Variants in ADAMTS7 observed in about 807,000 individuals in gnomAD.
ADAMTS7 encodes the protein ADAM metallopeptidase with thrombospondin type 1 motif 7, also known as A disintegrin and metalloproteinase with thrombospondin motifs 7.
Under a neutral mutation model 172.6 loss-of-function variants are expected in ADAMTS7, and 89 were observed. That is an observed-to-expected ratio of 0.52 (90% CI 0.43 to 0.61). The LOEUF is 0.61. Among genes scored for constraint, ADAMTS7 ranks in the 20% least tolerant of loss-of-function variants. The probability of loss-of-function intolerance (pLI) is 0.00; values close to 1 mark genes in which losing one functional copy is unlikely to be tolerated. For missense variants in ADAMTS7, 1,973 were observed against 2,355.6 expected (o/e 0.84, Z 3.36); for synonymous variants, 885 against 978.4 (o/e 0.90, Z 1.78).
At position 78,766,722 on chromosome 15, in the gene ADAMTS7, G is replaced by C; in HGVS notation, c.3189C>G (p.Phe1063Leu). Residue 1063 changes from phenylalanine to leucine, a missense_variant, in exon 19 of 24, where the codon TTC (phenylalanine) becomes TTG (leucine). By Grantham distance (22) the Phe-to-Leu change is conservative. Coordinates refer to ENST00000388820, the MANE Select transcript of ADAMTS7 (RefSeq NM_014272.5). ...AATTGATGAAATTGTAGTCGTAGTA[G>C]AAGTCGTCCACAAACACGGGCCCCG... ...DLPGPVFVDD[F>L]YYDYNFINFH... 1 of 1,610,868 alleles carries C rather than the reference G, an allele frequency of 6.2e-7. No homozygotes were observed. The highest frequency in any genetic ancestry group is 8.5e-7 in the Non-Finnish European group (1 of 1,179,840).
Position 78,766,862 on chromosome 15 carries a change from T to G in ADAMTS7, c.3049A>C (p.Asn1017His), listed in dbSNP as rs771517145. The G allele has an allele frequency of 1.2e-6, 2 of 1,609,816 alleles. No homozygotes were observed. Among genetic ancestry groups the G allele is most frequent in the Non-Finnish European group, 1.7e-6 (2 of 1,179,208 alleles). Residue 1017 changes from asparagine to histidine, a missense_variant, in exon 19 of 24, where the codon AAC (asparagine) becomes CAC (histidine). Physicochemically the swap from Asn to His is moderately conservative, Grantham distance 68. Coordinates refer to ENST00000388820, the MANE Select transcript of ADAMTS7 (RefSeq NM_014272.5). ...TGGTGCGGGATGAAGTCAGCCTCGT[T>G]GAAGAGCTCGTGGCTGGAGGAGCCG... ...GSGSSSHELF[N>H]EADFIPHHLA...
At chr15:78,809,665 A>G (rs2055839561) in intron 1 of ADAMTS7, among the ~76,000 whole-genome samples, 3 of 152,346 alleles carry the variant, frequency 2.0e-5, no homozygotes, top group Admixed American at 6.5e-5. Context: ...CACAGCTGCC[A>G]GGGGGCCAGG....
chr15:78,759,663 G>A (rs2055010591), intron 23 of ADAMTS7, 85 bp from the exon 24 acceptor site: 1 of 1,373,720 alleles, frequency 7.3e-7, no homozygotes, highest in Non-Finnish European at 9.5e-7. Flanking sequence ...CCTTAAGGAG[G>A]CTCCAGCAGC....
At chr15:78,805,074 C>G (rs531560535) in intron 1 of ADAMTS7, among the ~76,000 whole-genome samples, 1 of 152,334 alleles carries the variant, frequency 6.6e-6, no homozygotes. Context: ...ATCCAGGGCT[C>G]TGGGGGCCCT....
At chr15:78,777,399 C>G in intron 9 of ADAMTS7, 45 bp downstream of exon 9, 5 of 1,593,604 alleles carry the variant, frequency 3.1e-6, no homozygotes, top group South Asian at 1.1e-5. Context: ...CCTGAGCCCT[C>G]CTGCCGGGTC....
intron 11 of ADAMTS7, among the ~76,000 whole-genome samples, chr15:78,775,272 G>A (rs1227491291): frequency 1.3e-5 from 2 of 152,214 alleles, no homozygotes; most frequent in African/African-American, 4.8e-5. Flanking sequence ...TAAAGGAAGT[G>A]CCTAGGGCCC....
intron 16 of ADAMTS7, among the ~76,000 whole-genome samples, chr15:78,768,643 T>C (rs1475340951): frequency 6.6e-6 from 1 of 152,214 alleles, no homozygotes; most frequent in Non-Finnish European, 1.5e-5. Context: ...GAGGGAGGAC[T>C]GCGTGTGTTC....
rs148532809 is a variant in ADAMTS7, at chr15:78,789,812, C to A, written c.1055G>T (p.Arg352Leu). Residue 352 changes from arginine to leucine, a missense_variant, in exon 7 of 24, where the codon CGG becomes CTG. This residue lies in a region of ADAMTS7 where 526 missense variants were observed against 662.9 expected (regional missense o/e 0.79). Transcript: ENST00000388820. ...GGACAGTCCCAGGGTCTCACAGGGC[C>A]GGTTCATGGCTGCACACAGGTCCTT... ...TRKDLCAAMNRPCETLGLSHV... is the reference protein window; with the variant it reads ...TRKDLCAAMNLPCETLGLSHV... 1 of 1,601,824 alleles carries A rather than the reference C, an allele frequency of 6.2e-7. No individual in the cohort carries two copies. Among genetic ancestry groups the A allele is most frequent in the East Asian group, 2.3e-5 (1 of 44,412 alleles).
At chr15:78,760,660 C>T (rs1567198000) in intron 23 of ADAMTS7, among the ~76,000 whole-genome samples, 1 of 152,178 alleles carries the variant, frequency 6.6e-6, no homozygotes, top group African/African-American at 2.4e-5. Context: ...AGCACACACA[C>T]ACGAGTTTCC....
chr15:78,760,004 C>T (rs1198499694), intron 23 of ADAMTS7, among the ~76,000 whole-genome samples: 1 of 152,124 alleles, frequency 6.6e-6, no homozygotes, highest in African/African-American at 2.4e-5. Flanking sequence ...CTCCCGCCAC[C>T]GCCCCCTGCC....
chr15:78,803,142 A>T (rs1015795593), intron 1 of ADAMTS7, among the ~76,000 whole-genome samples: 7 of 151,894 alleles, frequency 4.6e-5, no homozygotes, highest in African/African-American at 1.5e-4. Context: ...TGGGAGGATC[A>T]CTTGAGCCTA....
intron 2 of ADAMTS7, among the ~76,000 whole-genome samples, chr15:78,799,062 G>C (rs1279909316): frequency 6.7e-6 from 1 of 150,356 alleles, no homozygotes; most frequent in Non-Finnish European, 1.5e-5. Flanking sequence ...CTGTGGCACA[G>C]GCTCAACAAG....
At chr15:78,806,085 C>T (rs1354036274) in intron 1 of ADAMTS7, among the ~76,000 whole-genome samples, 3 of 120,026 alleles carry the variant, frequency 2.5e-5, no homozygotes, top group East Asian at 2.6e-4. Flanking sequence ...GACTCCCCCC[C>T]CCAAAAACAC....
intron 19 of ADAMTS7, chr15:78,765,011 G>C (rs949049008): frequency 2.2e-5 from 7 of 321,952 alleles, no homozygotes; most frequent in Non-Finnish European, 3.4e-5. Context: ...CAGCTATCTT[G>C]ACCAGCCTCG....
At position 78,791,176 on chromosome 15, in the gene ADAMTS7, G is replaced by A. The variant is rs923996402; in HGVS notation, c.867C>T (p.Ile289=). 8 of 1,613,542 alleles carry A rather than the reference G, an allele frequency of 5.0e-6. No individual in the cohort carries two copies. Among genetic ancestry groups the A allele is most frequent in the African/African-American group, 4.0e-5 (3 of 74,930 alleles). ...CCAGCAGGACCAGGCGCACAATGGT[G>A]ATGTGGATGGGGTTCCCAATGCTGG... ...HDPSIGNPIH[I]TIVRLVLLED... The change falls in exon 5 of 24, where the codon ATC becomes ATT. Residue 289 remains isoleucine (I), a synonymous_variant. Coordinates refer to ENST00000388820, the MANE Select transcript of ADAMTS7 (RefSeq NM_014272.5).
rs771557466 is a variant in ADAMTS7 at position 78,800,455 on chromosome 15, G to A, written c.193C>T (p.Arg65Cys). The part of the protein sequence containing the change: ...GSFLSYELWP[R>C]ALRKRDVSVR... ...GATACATCCCGCTTGCGCAGTGCGC[G>A]GGGCCACAGCTCGTAGGACAGGAAG... The change falls in exon 2 of 24, where the codon CGC (arginine) becomes TGC (cysteine). Residue 65 changes from arginine (R) to cysteine (C), a missense_variant. Physicochemically the swap from Arg to Cys is radical, Grantham distance 180 (BLOSUM62 -3). Coordinates refer to ENST00000388820, the MANE Select transcript of ADAMTS7 (RefSeq NM_014272.5). 3.1e-6 allele frequency: 5 copies of A among 1,610,968 alleles called. No individual in the cohort carries two copies. The Admixed American group carries it at 5.0e-5, about 16-fold the overall frequency.
At chr15:78,806,087 C>A (rs113317310) in intron 1 of ADAMTS7, among the ~76,000 whole-genome samples, 1,972 of 37,052 alleles carry the variant, frequency 0.053, 110 homozygotes, top group African/African-American at 0.11. Flanking sequence ...CTCCCCCCCC[C>A]AAAAACACAC....
rs922559421 is a variant in ADAMTS7, at chr15:78,811,429, A to T, written c.-209T>A. The T allele has an allele frequency of 2.5e-6, 1 of 396,936 alleles. No homozygotes were observed. Among genetic ancestry groups the T allele is most frequent in the Non-Finnish European group, 4.3e-6 (1 of 234,138 alleles). 24.6% of individuals were successfully genotyped at this position (396,936 alleles called of 1,614,324 possible). On this transcript the variant is annotated 5_prime_UTR_variant, in exon 1 of 24. Transcript: ENST00000388820. ...CCTTGGCCGCTGCAGAGGCAAAGAA[A>T]AGACAAGAGAGCTAGAAGGAGAGAA...
rs1463955292 is a variant in ADAMTS7, at chr15:78,766,200, G to A, written c.3711C>T (p.Ser1237=). 6.2e-7 allele frequency: 1 copy of A among 1,611,808 alleles called. No individual in the cohort carries two copies. The highest frequency in any genetic ancestry group is 1.7e-5 in the Admixed American group (1 of 59,990). Residue 1237 remains serine (S), a synonymous_variant, in exon 19 of 24, where the codon AGC becomes AGT. Coordinates refer to ENST00000388820, the MANE Select transcript of ADAMTS7 (RefSeq NM_014272.5). ...RGAPHLPPRP[S]STLPPLSPVG... ...CAGGGGACAAAGGGGGCAGCGTGGA[G>A]CTGGGTCTCGGGGGCAGGTGGGGTG...
Sources: gnomAD v4.1 joint callset for allele counts (sites outside exome capture counted in the v4.1 genomes callset) on GRCh38, gnomAD v4.1.1 for gene constraint, gnomAD v4.1.1 regional missense constraint, MANE v1.5 for transcripts, NCBI Gene and HGNC (gene_info 2026-07-23, HGNC 2026-07-21) for gene names.